The following NBEAL2 variants were observed in gnomAD, a reference collection of about 807,000 sequenced individuals.
NBEAL2 encodes neurobeachin like 2.
Under a neutral mutation model 299.8 loss-of-function variants are expected in NBEAL2, and 160 were observed. That is an observed-to-expected ratio of 0.53 (90% confidence interval 0.47 to 0.61). NBEAL2 has a LOEUF of 0.61. Among genes scored for constraint, NBEAL2 ranks in the 20% least tolerant of loss-of-function variants. The probability of loss-of-function intolerance (pLI) is 0.00; values close to 1 mark genes in which losing one functional copy is unlikely to be tolerated. For synonymous variants in NBEAL2, 1,493 were observed against 1,542.3 expected, an observed-to-expected ratio of 0.97 and a Z score of 0.75; for missense variants, 3,112 against 3,649.0, an observed-to-expected ratio of 0.85 and a Z score of 3.79.
chr3:47,003,000 T>C lies in NBEAL2; in HGVS notation c.5503T>C (p.Tyr1835His), dbSNP rs371886632. Residue 1835 changes from tyrosine to histidine, a missense_variant, in exon 34 of 54, where the codon TAT (tyrosine) becomes CAT (histidine). By Grantham distance (83) the Tyr-to-His change is moderately conservative. Around this residue, in one of 3 missense-constraint regions of NBEAL2, gnomAD observed 2,243 missense variants for 2,538.1 expected, o/e 0.88. Transcript: ENST00000450053. ...CTGGAAACTGTCCAGCGCCGAGACATATTCACGCATGCGTCTGAAGCTGGT... is the reference window on the plus strand; with the variant it reads ...CTGGAAACTGTCCAGCGCCGAGACACATTCACGCATGCGTCTGAAGCTGGT... Reference protein sequence around the residue: ...PRWKLSSAETYSRMRLKLVPN... With the variant: ...PRWKLSSAETHSRMRLKLVPN... The C allele has an allele frequency of 1.2e-6, 2 of 1,613,348 alleles. No individual in the cohort carries two copies. Among genetic ancestry groups the C allele is most frequent in the Non-Finnish European group, 1.7e-6 (2 of 1,179,836 alleles).
At chr3:46,985,094 CT>C (rs2035596069) in intron 1 of NBEAL2, among the ~76,000 whole-genome samples, 1 of 152,180 alleles carries the variant, frequency 6.6e-6, no homozygotes, top group African/African-American at 2.4e-5. Context: ...GCTGATGCCC[CT>C]GATGGGGGCA....
intron 1 of NBEAL2, among the ~76,000 whole-genome samples, chr3:46,983,878 T>A (rs192056188): frequency 1.2e-4 from 19 of 152,216 alleles, no homozygotes; most frequent in African/African-American, 4.3e-4. Context: ...ATGGGGACCC[T>A]AGAAGGAAAT....
chr3:47,002,927 C>T, intron 33 of NBEAL2, 30 bp from the exon 34 acceptor site: 2 of 1,609,864 alleles, frequency 1.2e-6, no homozygotes, highest in Non-Finnish European at 8.5e-7. Flanking sequence ...CAGCCTTCTA[C>T]CGACCCATGA....
intron 1 of NBEAL2, chr3:46,987,977 A>G: frequency 1.6e-6 from 2 of 1,274,014 alleles, no homozygotes. Context: ...GCGGGAGGAG[A>G]CATTTCCCGT....
chr3:46,994,478 C>T lies in NBEAL2; in HGVS notation c.1221C>T (p.Gly407=), dbSNP rs762881463. The T allele has an allele frequency of 1.3e-6, 2 of 1,595,260 alleles. No homozygotes were observed. The highest frequency in any genetic ancestry group is 4.5e-5 in the East Asian group (2 of 44,470). Residue 407 remains glycine (G), a synonymous_variant, in exon 12 of 54, where the codon GGC becomes GGT. Coordinates refer to ENST00000450053, the MANE Select transcript of NBEAL2 (RefSeq NM_015175.3). ...AGGAGGTGTTTAAGGAGCGCATCGG[C>T]TACCCTCACCTGCAGGAGGTTCTGC... ...SAKEVFKERI[G]YPHLQEVLQS...
intron 25 of NBEAL2, 62 bp downstream of exon 25, chr3:46,999,536 C>T (rs558429576): frequency 4.5e-5 from 72 of 1,586,548 alleles, no homozygotes; most frequent in Admixed American, 6.9e-5. Context: ...GCAGGCAGGC[C>T]GGAAGAAGGA....
At chr3:46,994,901 C>T (rs2036368517) in intron 12 of NBEAL2, 131 bp from the exon 13 acceptor site, 2 of 1,334,138 alleles carry the variant, frequency 1.5e-6, no homozygotes, top group Admixed American at 2.8e-5. Context: ...GAGCCTCACA[C>T]ACAACCTGTG....
chr3:46,985,887 A>G (rs1410737671), intron 1 of NBEAL2, among the ~76,000 whole-genome samples: 1 of 152,144 alleles, frequency 6.6e-6, no homozygotes, highest in Non-Finnish European at 1.5e-5. Context: ...CCTGAGCATC[A>G]TGGCCACTCC....
Position 47,002,230 on chromosome 3 carries a change from T to C in NBEAL2, c.5093T>C (p.Phe1698Ser). 6.5e-7 allele frequency: 1 copy of C among 1,545,880 alleles called. No homozygotes were observed. ...CCCACCAATGGCAGCCCCACCTTCT[T>C]TGAAGACTTCCAGGCTTTTTGTGCC... Reference protein sequence around the residue: ...LPPTNGSPTFFEDFQAFCATP... With the variant: ...LPPTNGSPTFSEDFQAFCATP... The change falls in exon 31 of 54, where the codon TTT becomes TCT. Residue 1698 changes from phenylalanine (F) to serine (S), a missense_variant. Physicochemically the swap from Phe to Ser is radical, Grantham distance 155. Transcript: ENST00000450053.
rs1275858688 is a variant in NBEAL2 at position 47,000,861 on chromosome 3, A to C, written c.4306-140A>C. On this transcript the variant is annotated intron_variant, in intron 27 of 53. Coordinates refer to ENST00000450053, the MANE Select transcript of NBEAL2 (RefSeq NM_015175.3). The surrounding 1 kb of genome is among the most constrained non-coding windows in gnomAD (Gnocchi z 4.5). ...ACCATTCTTCCAGGCCCTTAGTGCC[A>C]GGCTCACTGTTAGCCAAATGCTCTG... is the stretch of plus-strand genomic sequence containing the variant. 2 of 1,272,054 alleles carry C rather than the reference A, an allele frequency of 1.6e-6. No homozygotes were observed. The highest frequency in any genetic ancestry group is 2.2e-6 in the Non-Finnish European group (2 of 920,380). The allele number at this position is 1,272,054 out of a possible 1,614,324, so 78.8% of individuals were successfully genotyped here.
In NBEAL2 at chr3:47,002,526, CCA is replaced by C. The variant is rs773112225; in HGVS notation, c.5301+8_5301+9del. 1.9e-6 allele frequency: 3 copies of C among 1,611,850 alleles called. No individual in the cohort carries two copies. The highest frequency in any genetic ancestry group is 2.5e-6 in the Non-Finnish European group (3 of 1,179,406). ...AGAGTCGTCGGGCCTTCCAGGTGTG[CCA>C]CCCGGGGTAAGGGATGGGAAACTGC... On this transcript the variant is annotated splice_region_variant and intron_variant, in intron 32 of 53. Coordinates refer to ENST00000450053, the MANE Select transcript of NBEAL2 (RefSeq NM_015175.3).
rs1170893835 is a variant in NBEAL2, at chr3:47,003,111, C to G, written c.5584+30C>G. 6.2e-7 allele frequency: 1 copy of G among 1,611,346 alleles called. No homozygotes were observed. The highest frequency in any genetic ancestry group is 8.5e-7 in the Non-Finnish European group (1 of 1,178,502). On this transcript the variant is annotated intron_variant, in intron 34 of 53. Coordinates refer to ENST00000450053, the MANE Select transcript of NBEAL2 (RefSeq NM_015175.3). This position sits in a 1 kb window ranked among gnomAD's most constrained non-coding sequence, Gnocchi z 7.0. ...GGGAGTGTGCTGAGATGGGTCCACCCAACTCGATTGTCCCGTCTCCTGTCC... is the reference window on the plus strand; with the variant it reads ...GGGAGTGTGCTGAGATGGGTCCACCGAACTCGATTGTCCCGTCTCCTGTCC...
chr3:47,007,041 G>C, intron 45 of NBEAL2, 25 bp from the exon 46 acceptor site: 2 of 1,585,730 alleles, frequency 1.3e-6, no homozygotes, highest in Non-Finnish European at 1.7e-6. Flanking sequence ...CTCAGGCATA[G>C]CTAGGCCTGC....
chr3:47,007,285 G>A lies in NBEAL2; in HGVS notation c.7269G>A (p.Leu2423=). ...ASGLLGTHSW[L]PYDRNISNYF... is the part of the protein sequence containing the mutation. Reference sequence around the variant, plus strand: ...GGCTGCTGGGCACCCACAGCTGGTTGCCCTATGACCGCAACATAAGCAACT... The same window carrying A: ...GGCTGCTGGGCACCCACAGCTGGTTACCCTATGACCGCAACATAAGCAACT... The change falls in exon 47 of 54, where the codon TTG becomes TTA. Residue 2423 remains leucine (L), a synonymous_variant. Transcript: ENST00000450053. The A allele has an allele frequency of 1.2e-6, 2 of 1,612,642 alleles. No homozygotes were observed. The highest frequency in any genetic ancestry group is 1.7e-6 in the Non-Finnish European group (2 of 1,179,390).
intron 1 of NBEAL2, among the ~76,000 whole-genome samples, chr3:46,985,796 G>T (rs1394070955): frequency 6.6e-6 from 1 of 152,220 alleles, no homozygotes; most frequent in Non-Finnish European, 1.5e-5. Context: ...GGGGCAAGGG[G>T]CTGGACTGTC....
rs914088606 is a variant in NBEAL2 at position 46,995,745 on chromosome 3, G to A, written c.1930G>A (p.Ala644Thr). 3 of 1,613,622 alleles carry A rather than the reference G, an allele frequency of 1.9e-6. No individual in the cohort carries two copies. Among genetic ancestry groups the A allele is most frequent in the African/African-American group, 2.7e-5 (2 of 74,932 alleles). ...TACCAGCAGCGGCTCAGGGTTTGAG[G>A]CCTTCTTCACGGCGGCCGGGACCCT... ...FFTSSGSGFE[A>T]FFTAAGTLVV... The change falls in exon 14 of 54, where the codon GCC becomes ACC. Residue 644 changes from alanine to threonine, a missense_variant. Ala to Thr is a moderately conservative substitution (Grantham distance 58). This residue lies in a region of NBEAL2 where 2,243 missense variants were observed against 2,538.1 expected (regional missense o/e 0.88). Coordinates refer to ENST00000450053, the MANE Select transcript of NBEAL2 (RefSeq NM_015175.3).
At position 46,989,570 on chromosome 3, in the gene NBEAL2, A is replaced by G. The variant is rs1284652345; in HGVS notation, c.533A>G (p.Gln178Arg). 1 of 1,596,048 alleles carries G rather than the reference A, an allele frequency of 6.3e-7. No homozygotes were observed. The highest frequency in any genetic ancestry group is 1.7e-5 in the Admixed American group (1 of 57,732). ...KYKFPPAALP[Q>R]EFSAFFQESL... The stretch of plus-strand genomic sequence containing the variant: ...AAGTTCCCTCCTGCTGCTTTGCCCC[A>G]GGAATTCAGCGCCTTCTTCCAAGGT... Residue 178 changes from glutamine (Q) to arginine (R), a missense_variant, in exon 6 of 54, where the codon CAG becomes CGG. Coordinates refer to ENST00000450053, the MANE Select transcript of NBEAL2 (RefSeq NM_015175.3). The surrounding 1 kb of genome is among the most constrained non-coding windows in gnomAD (Gnocchi z 5.5).
In NBEAL2 at chr3:47,009,373, G is replaced by A; in HGVS notation, c.*53G>A. On this transcript the variant is annotated 3_prime_UTR_variant, in exon 54 of 54. Transcript: ENST00000450053. ...CGCCCCCGGCAGGCCTGGCCCGGGA[G>A]GCCCCGCCCAGAAGTCGGCGGGAAC... The A allele has an allele frequency of 1.3e-6, 2 of 1,519,734 alleles. No homozygotes were observed. Among genetic ancestry groups the A allele is most frequent in the South Asian group, 2.4e-5 (2 of 82,836 alleles). The allele number at this position is 1,519,734 out of a possible 1,614,324, so 94.1% of individuals were successfully genotyped here. A position where few individuals can be genotyped will look rare whatever the true frequency, so the allele number is the denominator to read the frequency against.
Position 47,004,028 on chromosome 3 carries a change from G to T in NBEAL2, c.5882-49G>T. ...GGATGGCAGGGAATGGCTGAGCTCTGGGTGGGGCTGGGGTGAGTGACTCCC... is the reference window on the plus strand; with the variant it reads ...GGATGGCAGGGAATGGCTGAGCTCTTGGTGGGGCTGGGGTGAGTGACTCCC... On this transcript the variant is annotated intron_variant, in intron 36 of 53. Transcript: ENST00000450053. The surrounding 1 kb of genome is among the most constrained non-coding windows in gnomAD (Gnocchi z 5.0). The T allele has an allele frequency of 1.2e-6, 2 of 1,606,318 alleles. No individual in the cohort carries two copies. Among genetic ancestry groups the T allele is most frequent in the Non-Finnish European group, 1.7e-6 (2 of 1,174,466 alleles).
Sources: allele counts gnomAD v4.1 joint callset (sites outside exome capture counted in the v4.1 genomes callset), GRCh38; gene constraint gnomAD v4.1.1; regional missense constraint gnomAD v4.1.1; non-coding constraint Gnocchi (gnomAD v3.1); transcripts MANE v1.5; gene names NCBI Gene and HGNC (gene_info 2026-07-23, HGNC 2026-07-21).